Variants in PTPRR observed in about 807,000 individuals in gnomAD.
The protein encoded by PTPRR is protein tyrosine phosphatase receptor type R.
A neutral mutation model predicts 77.2 loss-of-function variants in PTPRR; 38 were observed. That is an observed-to-expected ratio of 0.49 (90% CI 0.38 to 0.65). The LOEUF (loss-of-function observed/expected upper bound fraction) is 0.65, where lower values mean the gene tolerates loss of function less well. PTPRR is among the 30% of genes least tolerant of loss of function. The pLI, the probability that PTPRR is intolerant of heterozygous loss-of-function variation, is 0.00. For synonymous variants in PTPRR, 299 were observed against 283.1 expected, an observed-to-expected ratio of 1.06 and a Z score of -0.57; for missense variants, 744 against 799.2, an observed-to-expected ratio of 0.93 and a Z score of 0.83.
intron 2 of PTPRR, among the ~76,000 whole-genome samples, chr12:70,801,918 C>G (rs1181127796): frequency 6.6e-6 from 1 of 152,178 alleles, no homozygotes; most frequent in Non-Finnish European, 1.5e-5. Context: ...CCCACATCCT[C>G]CTTACAGAAG....
rs552723675 is a variant in PTPRR, at chr12:70,800,411, G to A, written c.358-35633C>T. On this transcript the variant is annotated intron_variant, in intron 2 of 13. Transcript: ENST00000283228. ...AGGGCAAAAAAGGATGGGGCTAAGA[G>A]GAGCAATAAGCAGAAACTTGAATAT... 2.0e-4 allele frequency among the ~76,000 whole-genome samples: 31 copies of A among 151,992 alleles called. No individual in the cohort carries two copies. In the East Asian group the frequency reaches 4.8e-3, roughly 24 times the overall value.
chr12:70,672,176 C>T, intron 10 of PTPRR: 4 of 1,536,148 alleles, frequency 2.6e-6, no homozygotes, highest in Non-Finnish European at 3.6e-6. Context: ...CTTGGGTGCC[C>T]AGTTGCCAGT....
chr12:70,767,130 C>A (rs1375300039), intron 2 of PTPRR, among the ~76,000 whole-genome samples: 1 of 151,546 alleles, frequency 6.6e-6, no homozygotes, highest in Non-Finnish European at 1.5e-5. Context: ...AATCAGCTAA[C>A]ATCATAATGA....
chr12:70,727,224 T>A (rs574359156), intron 6 of PTPRR, among the ~76,000 whole-genome samples: 1 of 95,758 alleles, frequency 1.0e-5, no homozygotes, highest in Non-Finnish European at 2.7e-5. Flanking sequence ...TAGTCCCGAT[T>A]TTTTTTTTTC....
At chr12:70,868,896 A>C (rs1012212781) in intron 2 of PTPRR, among the ~76,000 whole-genome samples, 1 of 152,078 alleles carries the variant, frequency 6.6e-6, no homozygotes, top group African/African-American at 2.4e-5. Flanking sequence ...GACATGGATG[A>C]AACTGGAAAT....
At chr12:70,838,682 C>G (rs1051410844) in intron 2 of PTPRR, among the ~76,000 whole-genome samples, 1 of 152,104 alleles carries the variant, frequency 6.6e-6, no homozygotes, top group Non-Finnish European at 1.5e-5. Flanking sequence ...AAGCTGGTAG[C>G]AAAGGCTAGT....
intron 2 of PTPRR, among the ~76,000 whole-genome samples, chr12:70,792,574 G>A (rs1355367982): frequency 6.6e-6 from 1 of 152,048 alleles, no homozygotes; most frequent in Non-Finnish European, 1.5e-5. Flanking sequence ...TGGACAATAA[G>A]ATGTAATTAT....
chr12:70,764,405 A>G (rs771179157), intron 3 of PTPRR, among the ~76,000 whole-genome samples: 1 of 152,156 alleles, frequency 6.6e-6, no homozygotes, highest in Non-Finnish European at 1.5e-5. Context: ...AACTTCCTCT[A>G]TAAAGGGCCA....
At chr12:70,701,101 A>G (rs180742998) in intron 7 of PTPRR, 36 bp downstream of exon 7, 363 of 1,608,956 alleles carry the variant, frequency 2.3e-4, no homozygotes, top group Admixed American at 3.0e-4. Context: ...GTATCAAAAT[A>G]CCGACTGAAG....
intron 8 of PTPRR, among the ~76,000 whole-genome samples, chr12:70,685,714 G>A (rs532362493): frequency 2.0e-4 from 31 of 152,168 alleles, no homozygotes; most frequent in African/African-American, 7.5e-4. Flanking sequence ...TGAGTTTTCA[G>A]TCTGCTCATA....
At chr12:70,786,503 T>C (rs886621798) in intron 2 of PTPRR, among the ~76,000 whole-genome samples, 4 of 152,224 alleles carry the variant, frequency 2.6e-5, no homozygotes, top group African/African-American at 9.6e-5. Context: ...GTACCTTTTA[T>C]GTGCTTATAT....
At position 70,680,043 on chromosome 12, in the gene PTPRR, G is replaced by A. The variant is rs185125709; in HGVS notation, c.1497+4084C>T. Among the ~76,000 whole-genome samples, 141 of 152,020 alleles carry A rather than the reference G, an allele frequency of 9.3e-4. 1 individual carries two copies. The highest frequency in any genetic ancestry group is 3.1e-3 in the African/African-American group (130 of 41,460). ...TTTGATTCATTTCTCTTTTTGATTT[G>A]TGTATCTGCTGTAATTTTTTTCTTT... On this transcript the variant is annotated intron_variant, in intron 10 of 13. Coordinates refer to ENST00000283228, the MANE Select transcript of PTPRR (RefSeq NM_002849.4).
chr12:70,690,691 G>A lies in PTPRR; in HGVS notation c.1280-5908C>T, dbSNP rs143812370. 3.4e-3 allele frequency among the ~76,000 whole-genome samples: 513 copies of A among 152,214 alleles called. 3 individuals are homozygous for A. Among genetic ancestry groups the A allele is most frequent in the African/African-American group, 0.011 (465 of 41,550 alleles). The stretch of plus-strand genomic sequence containing the variant: ...GCTGTCTTTAGTTAGCATATGTAGC[G>A]GTTTGTTCACTGACAGCACAAGTAT... On this transcript the variant is annotated intron_variant, in intron 8 of 13. Transcript: ENST00000283228.
chr12:70,657,501 A>C (rs897700955), intron 12 of PTPRR, among the ~76,000 whole-genome samples: 1 of 152,234 alleles, frequency 6.6e-6, no homozygotes, highest in African/African-American at 2.4e-5. Context: ...CAACCTCACA[A>C]GCACACGTGC....
At chr12:70,893,483 T>C (rs1311312314) in intron 1 of PTPRR, among the ~76,000 whole-genome samples, 6 of 151,958 alleles carry the variant, frequency 3.9e-5, no homozygotes, top group African/African-American at 1.2e-4. Flanking sequence ...AGTGTACTTA[T>C]TGTGGTAGCA....
At chr12:70,770,756 A>G (rs915308570) in intron 2 of PTPRR, among the ~76,000 whole-genome samples, 1 of 152,158 alleles carries the variant, frequency 6.6e-6, no homozygotes, top group African/African-American at 2.4e-5. Flanking sequence ...GAACCACCCA[A>G]ATGTCCAACA....
At chr12:70,742,766 G>A (rs1464336754) in intron 6 of PTPRR, among the ~76,000 whole-genome samples, 1 of 152,178 alleles carries the variant, frequency 6.6e-6, no homozygotes, top group Non-Finnish European at 1.5e-5. Context: ...TTCTCAGTGG[G>A]ATTGGGGTTG....
intron 10 of PTPRR, among the ~76,000 whole-genome samples, chr12:70,677,079 T>C: frequency 6.6e-6 from 1 of 152,170 alleles, no homozygotes; most frequent in South Asian, 2.1e-4. Context: ...ATTTGTGTTC[T>C]CTACAATTTC....
intron 12 of PTPRR, among the ~76,000 whole-genome samples, chr12:70,658,918 A>G (rs1241666117): frequency 2.8e-5 from 2 of 71,728 alleles, no homozygotes; most frequent in African/African-American, 9.7e-5. Flanking sequence ...TTTTTTTTAT[A>G]AGACAGAGTC....
Sources: allele counts gnomAD v4.1 joint callset (sites outside exome capture counted in the v4.1 genomes callset), GRCh38; gene constraint gnomAD v4.1.1; transcripts MANE v1.5; gene names NCBI Gene and HGNC (gene_info 2026-07-23, HGNC 2026-07-21).